PMM2: variants seen among roughly 807,000 people sequenced by gnomAD.
PMM2 encodes phosphomannomutase 2.
A neutral mutation model predicts 33.2 loss-of-function variants in PMM2; 35 were observed. The observed-to-expected ratio is 1.06, with a 90% CI of 0.81 to 1.40. PMM2 has a LOEUF of 1.40. Ranked by LOEUF, PMM2 falls within the 40% of genes most tolerant of loss-of-function variation. PMM2 has a pLI of 0.00. For synonymous variants in PMM2, 153 were observed against 114.7 expected, an observed-to-expected ratio of 1.33 and a Z score of -2.13; for missense variants, 386 against 306.0, an observed-to-expected ratio of 1.26 and a Z score of -1.95.
intron 7 of PMM2, among the ~76,000 whole-genome samples, chr16:8,838,349 C>G (rs558122193): frequency 6.6e-6 from 1 of 152,028 alleles, no homozygotes; most frequent in Non-Finnish European, 1.5e-5. Flanking sequence ...TGGATGTATA[C>G]GTGCAAGTCA....
At chr16:8,847,531 A>G (rs2141051217) in intron 7 of PMM2, 193 bp from the exon 8 acceptor site, 1 of 596,416 alleles carries the variant, frequency 1.7e-6, no homozygotes, top group South Asian at 1.9e-5. Flanking sequence ...AGTTCAAGAG[A>G]AGGTTATAAA....
At chr16:8,839,564 G>T (rs575197245) in intron 7 of PMM2, among the ~76,000 whole-genome samples, 2 of 152,156 alleles carry the variant, frequency 1.3e-5, no homozygotes, top group Admixed American at 1.3e-4. Flanking sequence ...GGGAGGAAGA[G>T]TCTGATGAGC....
chr16:8,839,151 T>C (rs1360213818), intron 7 of PMM2, among the ~76,000 whole-genome samples: 1 of 152,082 alleles, frequency 6.6e-6, no homozygotes, highest in East Asian at 1.9e-4. Context: ...GTGGAATGAC[T>C]CTTCTTTGTT....
At chr16:8,806,171 A>G in intron 3 of PMM2, 145 bp from the exon 4 acceptor site, 1 of 692,196 alleles carries the variant, frequency 1.4e-6, no homozygotes, top group Non-Finnish European at 2.6e-6. Context: ...AGAAGGAATT[A>G]AACAGACAGT....
At chr16:8,836,022 G>A (rs12928750) in intron 7 of PMM2, among the ~76,000 whole-genome samples, 97 of 1,660 alleles carry the variant, frequency 0.058, no homozygotes, top group East Asian at 0.42. Flanking sequence ...GGGGATAACT[G>A]AAAAGGAGTG....
intron 7 of PMM2, among the ~76,000 whole-genome samples, chr16:8,834,469 T>G (rs576314650): frequency 6.6e-6 from 1 of 151,798 alleles, no homozygotes; most frequent in African/African-American, 2.4e-5. Context: ...CCTCTACTTA[T>G]CTAGTGAAAG....
intron 7 of PMM2, among the ~76,000 whole-genome samples, chr16:8,836,076 T>C (rs576972946): frequency 6.6e-6 from 1 of 151,312 alleles, no homozygotes; most frequent in East Asian, 1.9e-4. Flanking sequence ...TTGGGGAGTT[T>C]TAAGAGGTTT....
intron 7 of PMM2, among the ~76,000 whole-genome samples, chr16:8,841,604 G>A (rs2060891446): frequency 6.8e-6 from 1 of 147,228 alleles, no homozygotes; most frequent in South Asian, 2.3e-4. Flanking sequence ...CTAAGAGGCG[G>A]GCTAGTGGCT....
chr16:8,834,717 T>C (rs2060832426), intron 7 of PMM2, among the ~76,000 whole-genome samples: 2 of 151,942 alleles, frequency 1.3e-5, no homozygotes, highest in African/African-American at 4.8e-5. Context: ...GGCTAGTGGC[T>C]TGTACTATAG....
intron 4 of PMM2, chr16:8,808,833 G>A (rs1205709210): frequency 2.0e-5 from 3 of 152,258 alleles, no homozygotes; most frequent in East Asian, 1.9e-4. Flanking sequence ...GTAGAGGACA[G>A]GCTGGGCCTC....
chr16:8,811,019 C>G (rs2060674098), intron 4 of PMM2, 60 bp from the exon 5 acceptor site: 2 of 456,130 alleles, frequency 4.4e-6, no homozygotes, highest in South Asian at 2.4e-5. Flanking sequence ...GGCTGTTTAT[C>G]TATGTTGCCC....
chr16:8,815,167 T>A (rs1441960973), intron 7 of PMM2, among the ~76,000 whole-genome samples: 2 of 152,168 alleles, frequency 1.3e-5, no homozygotes, highest in African/African-American at 2.4e-5. Flanking sequence ...AGTTTCCTTA[T>A]TTTTTAAGGC....
chr16:8,826,296 T>G (rs2060767461), intron 7 of PMM2, among the ~76,000 whole-genome samples: 1 of 152,206 alleles, frequency 6.6e-6, no homozygotes, highest in Non-Finnish European at 1.5e-5. Flanking sequence ...ATTTTCTCTT[T>G]TAAAAAAACC....
At chr16:8,837,990 A>G (rs181829905) in intron 7 of PMM2, among the ~76,000 whole-genome samples, 2 of 152,274 alleles carry the variant, frequency 1.3e-5, no homozygotes, top group East Asian at 3.9e-4. Context: ...GTCCGTGTGA[A>G]GAGACCACCA....
chr16:8,800,677 T>TTG (rs1567156065), intron 1 of PMM2, among the ~76,000 whole-genome samples: 41 of 149,464 alleles, frequency 2.7e-4, no homozygotes, highest in African/African-American at 1.0e-3. Flanking sequence ...TTTTTTTTTT[T>TTG]TTTTGTTTTG....
chr16:8,826,906 G>A (rs932388241), intron 7 of PMM2, among the ~76,000 whole-genome samples: 15 of 151,604 alleles, frequency 9.9e-5, no homozygotes, highest in Admixed American at 6.6e-5. Context: ...ATAATCAGTC[G>A]TTCTATTTTA....
intron 3 of PMM2, among the ~76,000 whole-genome samples, 168 bp downstream of exon 3, chr16:8,805,011 AT>A (rs2060639072): frequency 6.6e-6 from 1 of 152,164 alleles, no homozygotes; most frequent in Admixed American, 6.5e-5. Context: ...TTCTACATTG[AT>A]AACTAAATTT....
At chr16:8,833,553 G>C (rs910461862) in intron 7 of PMM2, among the ~76,000 whole-genome samples, 7 of 151,794 alleles carry the variant, frequency 4.6e-5, no homozygotes, top group South Asian at 2.1e-4. Context: ...GGTATGGAGA[G>C]AGAATGGACG....
intron 4 of PMM2, chr16:8,808,813 T>C (rs74596482): frequency 3.9e-5 from 6 of 152,360 alleles, no homozygotes; most frequent in Non-Finnish European, 7.3e-5. Flanking sequence ...TCAGTGCTCA[T>C]ACACACGTGG....
Sources: allele counts gnomAD v4.1 joint callset (sites outside exome capture counted in the v4.1 genomes callset), GRCh38; gene constraint gnomAD v4.1.1; transcripts MANE v1.5; gene names NCBI Gene and HGNC (gene_info 2026-07-23, HGNC 2026-07-21).